CAMTA1: variants seen among roughly 807,000 people sequenced by gnomAD.
The protein encoded by CAMTA1 is calmodulin binding transcription activator 1.
A neutral mutation model predicts 170.9 loss-of-function variants in CAMTA1; 27 were observed. The ratio of observed to expected loss-of-function variants is 0.16; its 90% CI spans 0.12 to 0.22. CAMTA1 has a LOEUF of 0.22. CAMTA1 is among the 10% of genes least tolerant of loss of function. The pLI is 1.00. For missense variants in CAMTA1, 1,619 were observed against 2,217.2 expected (o/e 0.73, Z 5.42); for synonymous variants, 833 against 891.5 (o/e 0.93, Z 1.17).
chr1:7,639,074 A>T (rs1341462662), intron 6 of CAMTA1, among the ~76,000 whole-genome samples: 3 of 152,024 alleles, frequency 2.0e-5, no homozygotes, highest in Admixed American at 1.3e-4. Flanking sequence ...TGCCTCCCAG[A>T]TTCACGCCAT....
intron 4 of CAMTA1, among the ~76,000 whole-genome samples, chr1:7,134,468 AATTATT>A (rs113900869): frequency 1.3e-5 from 2 of 151,450 alleles, no homozygotes; most frequent in African/African-American, 2.4e-5. Flanking sequence ...TAATTAAACA[AATTATT>A]ATTATTATTA....
chr1:6,924,471 C>A (rs1682682443), intron 3 of CAMTA1, among the ~76,000 whole-genome samples: 1 of 152,176 alleles, frequency 6.6e-6, no homozygotes, highest in Non-Finnish European at 1.5e-5. Context: ...CCACGACTTT[C>A]ATCCCCTTGG....
intron 3 of CAMTA1, among the ~76,000 whole-genome samples, chr1:6,852,083 T>C (rs553375275): frequency 6.6e-6 from 1 of 150,742 alleles, no homozygotes; most frequent in South Asian, 2.1e-4. Flanking sequence ...GATTGACAGC[T>C]AATTTCTCAA....
At chr1:7,424,785 G>T (rs1055054736) in intron 5 of CAMTA1, among the ~76,000 whole-genome samples, 1 of 152,078 alleles carries the variant, frequency 6.6e-6, no homozygotes, top group Non-Finnish European at 1.5e-5. Flanking sequence ...TGGGTCCTTG[G>T]CCAAGTTCAA....
chr1:6,957,519 C>T (rs1297070967), intron 3 of CAMTA1, among the ~76,000 whole-genome samples: 1 of 151,196 alleles, frequency 6.6e-6, no homozygotes, highest in Non-Finnish European at 1.5e-5. Context: ...CAGAGGTCAC[C>T]TGCATCCCTT....
intron 5 of CAMTA1, among the ~76,000 whole-genome samples, chr1:7,442,054 C>T (rs2149413203): frequency 6.6e-6 from 1 of 152,310 alleles, no homozygotes; most frequent in South Asian, 2.1e-4. Flanking sequence ...GCGCTGTCCT[C>T]AGCCCTGAAA....
intron 5 of CAMTA1, among the ~76,000 whole-genome samples, chr1:7,446,548 T>C (rs2092686023): frequency 6.6e-6 from 1 of 152,162 alleles, no homozygotes; most frequent in African/African-American, 2.4e-5. Context: ...GGCCACGGAC[T>C]TGCCTACTGG....
intron 3 of CAMTA1, among the ~76,000 whole-genome samples, chr1:6,841,939 G>A (rs1446663640): frequency 6.6e-6 from 1 of 152,246 alleles, no homozygotes; most frequent in Admixed American, 6.5e-5. Context: ...GTCATTCCAC[G>A]GGTGGTGGCC....
intron 5 of CAMTA1, among the ~76,000 whole-genome samples, chr1:7,258,308 A>G (rs1358548170): frequency 6.6e-6 from 1 of 152,242 alleles, no homozygotes; most frequent in East Asian, 1.9e-4. Context: ...GAGCCTTATT[A>G]AGCTAGAAAC....
At chr1:7,656,838 A>G (rs975685379) in intron 7 of CAMTA1, among the ~76,000 whole-genome samples, 1 of 152,224 alleles carries the variant, frequency 6.6e-6, no homozygotes, top group Non-Finnish European at 1.5e-5. Context: ...CATTGATTTC[A>G]TTTTGATTAT....
intron 6 of CAMTA1, among the ~76,000 whole-genome samples, chr1:7,498,277 TGTGAGCGTGTATGAGC>T (rs1020016682): frequency 6.7e-5 from 10 of 149,168 alleles, no homozygotes; most frequent in Non-Finnish European, 1.3e-4. Context: ...CGTGTGTGAG[TGTGAGCGTGTATGAGC>T]GTGACAGTGA....
Position 7,738,420 on chromosome 1 carries a change from C to G in CAMTA1, c.4120C>G (p.Leu1374Val), listed in dbSNP as rs1254596868. 6.2e-7 allele frequency: 1 copy of G among 1,614,170 alleles called. No individual in the cohort carries two copies. Among genetic ancestry groups the G allele is most frequent in the Non-Finnish European group, 8.5e-7 (1 of 1,180,042 alleles). Residue 1374 changes from leucine (L) to valine (V), a missense_variant, in exon 16 of 23, where the codon CTG becomes GTG. Coordinates refer to ENST00000303635, the MANE Select transcript of CAMTA1 (RefSeq NM_015215.4). This position sits in a 1 kb window ranked among gnomAD's most constrained non-coding sequence, Gnocchi z 4.9. ...MANREVVNTE[L>V]GSYRDSAENE... is the part of the protein sequence containing the mutation. The stretch of plus-strand genomic sequence containing the variant: ...TAACAGAGAGGTGGTGAATACAGAG[C>G]TGGGGTCCTACCGTGATAGTGCAGA...
chr1:6,862,048 T>G (rs192231308), intron 3 of CAMTA1, among the ~76,000 whole-genome samples: 34 of 151,434 alleles, frequency 2.2e-4, no homozygotes, highest in Non-Finnish European at 4.6e-4. Context: ...CTGCAACCCC[T>G]GCCTCCCGGG....
chr1:7,275,012 G>A (rs1670361536), intron 5 of CAMTA1, among the ~76,000 whole-genome samples: 1 of 151,868 alleles, frequency 6.6e-6, no homozygotes, highest in African/African-American at 2.4e-5. Context: ...CATGGTGGTG[G>A]GTGCCTGTAA....
chr1:7,553,745 C>G (rs1254828089), intron 6 of CAMTA1, among the ~76,000 whole-genome samples: 8 of 152,314 alleles, frequency 5.3e-5, no homozygotes, highest in African/African-American at 1.7e-4. Context: ...GTAGCTCTAA[C>G]AAGAATTCTC....
chr1:6,998,625 G>A (rs911285558), intron 3 of CAMTA1, among the ~76,000 whole-genome samples: 7 of 152,202 alleles, frequency 4.6e-5, no homozygotes, highest in South Asian at 2.1e-4. Flanking sequence ...TGCACCTTGC[G>A]TTTCGTCTCT....
intron 6 of CAMTA1, among the ~76,000 whole-genome samples, chr1:7,628,935 T>C (rs1374852570): frequency 6.6e-6 from 1 of 152,196 alleles, no homozygotes; most frequent in Admixed American, 6.5e-5. Context: ...TGAGACCTGA[T>C]TGCCCAGCAT....
chr1:7,131,621 T>C (rs1645261348), intron 4 of CAMTA1, among the ~76,000 whole-genome samples: 1 of 152,068 alleles, frequency 6.6e-6, no homozygotes, highest in African/African-American at 2.4e-5. Flanking sequence ...GCCCCTTCAC[T>C]GAAAACCAAT....
chr1:7,252,213 A>G (rs888967098), intron 5 of CAMTA1, among the ~76,000 whole-genome samples: 1 of 152,242 alleles, frequency 6.6e-6, no homozygotes, highest in African/African-American at 2.4e-5. Context: ...GCATAATTAC[A>G]TGCCCACCAG....
Sources: allele counts gnomAD v4.1 joint callset (sites outside exome capture counted in the v4.1 genomes callset), GRCh38; gene constraint gnomAD v4.1.1; non-coding constraint Gnocchi (gnomAD v3.1); transcripts MANE v1.5; gene names NCBI Gene and HGNC (gene_info 2026-07-23, HGNC 2026-07-21).